The following PTPRD variants were observed in gnomAD, a reference collection of about 807,000 sequenced individuals.
The protein encoded by PTPRD is protein tyrosine phosphatase receptor type D.
A neutral mutation model predicts 214.5 loss-of-function variants in PTPRD; 34 were observed. The ratio of observed to expected loss-of-function variants is 0.16; its 90% CI spans 0.12 to 0.21. The LOEUF (loss-of-function observed/expected upper bound fraction) is 0.21, where lower values mean the gene tolerates loss of function less well. Ranked by LOEUF, PTPRD falls within the 10% of genes least tolerant of loss-of-function variation. PTPRD has a pLI of 1.00. For missense variants in PTPRD, 2,545 were observed against 2,398.7 expected (o/e 1.06, Z -1.27); for synonymous variants, 1,128 against 845.7 (o/e 1.33, Z -5.79).
chr9:9,582,619 C>T (rs907968819), intron 7 of PTPRD, among the ~76,000 whole-genome samples: 5 of 151,858 alleles, frequency 3.3e-5, no homozygotes, highest in African/African-American at 7.3e-5. Flanking sequence ...ATTACTTTTG[C>T]GATGATGAAA....
intron 9 of PTPRD, among the ~76,000 whole-genome samples, chr9:9,323,925 T>A (rs1362214842): frequency 1.3e-5 from 2 of 152,174 alleles, no homozygotes; most frequent in African/African-American, 4.8e-5. Context: ...CAGCTATGAA[T>A]GAGAACATGG....
intron 8 of PTPRD, among the ~76,000 whole-genome samples, chr9:9,433,486 AT>A (rs2143476576): frequency 6.6e-6 from 1 of 152,188 alleles, no homozygotes; most frequent in Non-Finnish European, 1.5e-5. Context: ...TTCTCTTTTT[AT>A]TTTTTTAAAG....
At chr9:9,298,670 T>C (rs1251562796) in intron 9 of PTPRD, among the ~76,000 whole-genome samples, 4 of 151,740 alleles carry the variant, frequency 2.6e-5, no homozygotes, top group Admixed American at 6.6e-5. Flanking sequence ...ATAAGGATTA[T>C]TGAAGGGAAG....
intron 7 of PTPRD, among the ~76,000 whole-genome samples, chr9:9,619,276 A>C (rs1266260507): frequency 6.6e-6 from 1 of 152,048 alleles, no homozygotes; most frequent in Non-Finnish European, 1.5e-5. Context: ...ATGAAGTTGC[A>C]GTATCATTTT....
At chr9:9,801,397 CCAATGGGATTTTCCTTTTGT>C (rs58249993) in intron 5 of PTPRD, among the ~76,000 whole-genome samples, 1 of 152,132 alleles carries the variant, frequency 6.6e-6, no homozygotes, top group East Asian at 1.9e-4. Context: ...CACCTAAACT[CCAATGGGATTTTCCTTTTGT>C]CAAAGGCTGC....
intron 44 of PTPRD, among the ~76,000 whole-genome samples, chr9:8,324,706 C>T (rs1035878903): frequency 1.1e-4 from 17 of 152,146 alleles, no homozygotes; most frequent in Non-Finnish European, 2.1e-4. Flanking sequence ...AACTAATTTA[C>T]ACACCCACCA....
chr9:10,595,813 G>C (rs573719567), intron 2 of PTPRD, among the ~76,000 whole-genome samples: 24 of 151,588 alleles, frequency 1.6e-4, no homozygotes, highest in African/African-American at 5.1e-4. Context: ...TTATATATCA[G>C]AGTACTTTTT....
intron 10 of PTPRD, among the ~76,000 whole-genome samples, chr9:9,057,161 C>T (rs1007329168): frequency 2.6e-5 from 4 of 152,090 alleles, no homozygotes; most frequent in African/African-American, 9.7e-5. Context: ...CAGAAGATCA[C>T]CTTCTCTAAT....
chr9:9,532,648 G>C (rs758008811), intron 8 of PTPRD, among the ~76,000 whole-genome samples: 6 of 152,132 alleles, frequency 3.9e-5, no homozygotes, highest in Non-Finnish European at 8.8e-5. Flanking sequence ...ACATGGGAGA[G>C]AATGGATTTT....
At chr9:9,520,592 C>T (rs1409603742) in intron 8 of PTPRD, among the ~76,000 whole-genome samples, 2 of 152,044 alleles carry the variant, frequency 1.3e-5, no homozygotes, top group African/African-American at 2.4e-5. Flanking sequence ...CTTTCAAAGG[C>T]GCAGACTAAT....
chr9:8,330,790 A>G (rs962895009), intron 44 of PTPRD, among the ~76,000 whole-genome samples: 1 of 152,116 alleles, frequency 6.6e-6, no homozygotes, highest in Non-Finnish European at 1.5e-5. Flanking sequence ...GTCGTAAAGA[A>G]CTATAGTTTT....
chr9:8,480,548 C>T (rs925364924), intron 30 of PTPRD, among the ~76,000 whole-genome samples: 5 of 152,150 alleles, frequency 3.3e-5, no homozygotes, highest in Non-Finnish European at 7.3e-5. Context: ...TTAACGTTGA[C>T]TATTAGGGTA....
chr9:9,352,327 A>ATATATG (rs1555280411), intron 9 of PTPRD, among the ~76,000 whole-genome samples: 4 of 68,442 alleles, frequency 5.8e-5, no homozygotes, highest in Admixed American at 1.4e-4. Context: ...ATATATATAT[A>ATATATG]TGTGTGTGTG....
intron 7 of PTPRD, among the ~76,000 whole-genome samples, chr9:9,718,138 C>G (rs2097865228): frequency 6.6e-6 from 1 of 152,156 alleles, no homozygotes; most frequent in African/African-American, 2.4e-5. Flanking sequence ...GAAATAGACA[C>G]AAATACAACA....
intron 5 of PTPRD, among the ~76,000 whole-genome samples, chr9:9,833,896 T>C (rs10125152): frequency 0.076 from 11,610 of 152,098 alleles, 1,481 homozygotes; most frequent in African/African-American, 0.26. Flanking sequence ...TTTCAGGATG[T>C]CCACATTTCA....
chr9:9,002,495 C>T (rs1347718721), intron 11 of PTPRD, among the ~76,000 whole-genome samples: 1 of 151,816 alleles, frequency 6.6e-6, no homozygotes, highest in Non-Finnish European at 1.5e-5. Flanking sequence ...AGAAGTTATG[C>T]CTGTTTCTTT....
intron 5 of PTPRD, among the ~76,000 whole-genome samples, chr9:9,840,713 A>G (rs576557160): frequency 3.0e-4 from 41 of 136,408 alleles, no homozygotes; most frequent in Middle Eastern, 3.8e-3. Flanking sequence ...CATTGAGCCA[A>G]GATGGCACCA....
chr9:10,027,145 G>A (rs78837322), intron 4 of PTPRD, among the ~76,000 whole-genome samples: 4,329 of 152,186 alleles, frequency 0.028, 119 homozygotes, highest in Admixed American at 0.088. Flanking sequence ...TACACTTGGG[G>A]GGAAATGTCT....
At chr9:10,064,647 T>C (rs2097844083) in intron 3 of PTPRD, among the ~76,000 whole-genome samples, 1 of 151,890 alleles carries the variant, frequency 6.6e-6, no homozygotes, top group Non-Finnish European at 1.5e-5. Flanking sequence ...AAAGGGGAGA[T>C]GTATTTGAGA....
Sources: allele counts gnomAD v4.1 joint callset (sites outside exome capture counted in the v4.1 genomes callset), GRCh38; gene constraint gnomAD v4.1.1; transcripts MANE v1.5; gene names NCBI Gene and HGNC (gene_info 2026-07-23, HGNC 2026-07-21).